The following ZNF385D variants were observed in gnomAD, a reference collection of about 807,000 sequenced individuals.
The protein encoded by ZNF385D is zinc finger protein 385D, also known as zinc finger protein 659.
A neutral mutation model predicts 35.8 loss-of-function variants in ZNF385D; 15 were observed. The observed-to-expected ratio is 0.42, with a 90% CI of 0.28 to 0.64. ZNF385D has a LOEUF of 0.64. Ranked by LOEUF, ZNF385D falls within the 30% of genes least tolerant of loss-of-function variation. The pLI, the probability that ZNF385D is intolerant of heterozygous loss-of-function variation, is 0.23. For synonymous variants in ZNF385D, 212 were observed against 186.8 expected, an observed-to-expected ratio of 1.13 and a Z score of -1.10; for missense variants, 474 against 494.6, an observed-to-expected ratio of 0.96 and a Z score of 0.39.
intron 2 of ZNF385D, among the ~76,000 whole-genome samples, chr3:22,253,162 C>T (rs931601766): frequency 6.6e-5 from 10 of 151,970 alleles, no homozygotes; most frequent in African/African-American, 1.9e-4. Flanking sequence ...AAAGAGCACA[C>T]ACCAAACGAA....
intron 4 of ZNF385D, among the ~76,000 whole-genome samples, chr3:21,475,799 A>G (rs1160335300): frequency 2.0e-5 from 3 of 152,150 alleles, no homozygotes; most frequent in African/African-American, 7.2e-5. Context: ...ATAGACACTT[A>G]AATTTTGAGT....
At chr3:22,283,165 T>C (rs1459334871) in intron 2 of ZNF385D, among the ~76,000 whole-genome samples, 1 of 152,040 alleles carries the variant, frequency 6.6e-6, no homozygotes, top group Non-Finnish European at 1.5e-5. Context: ...ACATAACACT[T>C]GAGCTCCCAA....
At chr3:21,793,057 C>A (rs1334405381) in intron 3 of ZNF385D, among the ~76,000 whole-genome samples, 1 of 152,066 alleles carries the variant, frequency 6.6e-6, no homozygotes, top group Non-Finnish European at 1.5e-5. Context: ...GAACACATAG[C>A]CACCATAGTT....
intron 4 of ZNF385D, among the ~76,000 whole-genome samples, chr3:21,474,048 TCATC>T (rs780577043): frequency 1.3e-5 from 2 of 152,086 alleles, no homozygotes; most frequent in Non-Finnish European, 2.9e-5. Context: ...TATTATAAGT[TCATC>T]CATTAAGTTG....
intron 7 of ZNF385D, among the ~76,000 whole-genome samples, chr3:21,423,516 A>G (rs1377757936): frequency 6.6e-6 from 1 of 152,166 alleles, no homozygotes; most frequent in Non-Finnish European, 1.5e-5. Context: ...CTACCAAAAT[A>G]TCCAGGTCAG....
chr3:21,492,677 G>T (rs1174029170), intron 4 of ZNF385D, among the ~76,000 whole-genome samples: 1 of 151,700 alleles, frequency 6.6e-6, no homozygotes, highest in Non-Finnish European at 1.5e-5. Flanking sequence ...CCAGCTACTC[G>T]GGAGGATGAG....
intron 6 of ZNF385D, 24 bp from the exon 7 acceptor site, chr3:21,424,088 C>T: frequency 6.5e-7 from 1 of 1,538,988 alleles, no homozygotes; most frequent in South Asian, 1.3e-5. Flanking sequence ...TTTAAAATGA[C>T]AGCTTTAAAA....
intron 2 of ZNF385D, among the ~76,000 whole-genome samples, chr3:22,212,301 A>G (rs1456314365): frequency 6.6e-6 from 1 of 151,980 alleles, no homozygotes; most frequent in East Asian, 1.9e-4. Flanking sequence ...CTCCACATAA[A>G]GACAAAAACA....
chr3:21,959,205 G>C (rs1349706807), intron 3 of ZNF385D, among the ~76,000 whole-genome samples: 1 of 152,100 alleles, frequency 6.6e-6, no homozygotes, highest in Non-Finnish European at 1.5e-5. Context: ...TCCTTGGTTA[G>C]AGATCTATTT....
chr3:22,178,852 C>T (rs1424986625), intron 2 of ZNF385D, among the ~76,000 whole-genome samples: 1 of 152,154 alleles, frequency 6.6e-6, no homozygotes, highest in Non-Finnish European at 1.5e-5. Flanking sequence ...AACCTTTCCC[C>T]ATTTCTTGTT....
intron 3 of ZNF385D, among the ~76,000 whole-genome samples, chr3:22,009,198 T>G (rs746964173): frequency 3.9e-5 from 6 of 152,160 alleles, no homozygotes; most frequent in Non-Finnish European, 8.8e-5. Flanking sequence ...TATTAAAATT[T>G]TGTGTAAAAA....
At chr3:22,036,008 A>G (rs1264489512) in intron 3 of ZNF385D, among the ~76,000 whole-genome samples, 1 of 152,158 alleles carries the variant, frequency 6.6e-6, no homozygotes, top group Non-Finnish European at 1.5e-5. Flanking sequence ...AATAAGACTT[A>G]TGTGTTTTTC....
At chr3:22,083,364 T>G (rs1015052321) in intron 3 of ZNF385D, among the ~76,000 whole-genome samples, 11 of 151,454 alleles carry the variant, frequency 7.3e-5, no homozygotes, top group African/African-American at 2.7e-4. Flanking sequence ...CTAGCTAGAA[T>G]AAACAGCATA....
At chr3:21,558,588 G>A (rs1456318407) in intron 3 of ZNF385D, among the ~76,000 whole-genome samples, 1 of 152,114 alleles carries the variant, frequency 6.6e-6, no homozygotes, top group East Asian at 1.9e-4. Context: ...ATCAATTTTA[G>A]AATAAGAGCA....
At chr3:21,746,950 G>GA (rs1400076100) in intron 1 of ZNF385D, among the ~76,000 whole-genome samples, 4 of 151,672 alleles carry the variant, frequency 2.6e-5, no homozygotes, top group Non-Finnish European at 4.4e-5. Context: ...CATCCCAGGG[G>GA]AAAAAAGTCC....
In ZNF385D at chr3:22,165,231, G is replaced by A. The variant is rs558659340; in HGVS notation, c.325+3586C>T. Among the ~76,000 whole-genome samples the A allele has an allele frequency of 3.3e-5, 5 of 152,334 alleles. No individual in the cohort carries two copies. The South Asian group carries it at 6.2e-4, about 19-fold the overall frequency. ...AGCACTGTTGTGCATGGTGTTGATA[G>A]TGCGGAAGGCTGTGTGTGAAGGAGG... is the stretch of plus-strand genomic sequence containing the variant. On this transcript the variant is annotated intron_variant, in intron 3 of 5. Transcript: ENST00000494108.
intron 3 of ZNF385D, among the ~76,000 whole-genome samples, chr3:21,546,057 C>G (rs1160741522): frequency 2.0e-5 from 3 of 152,088 alleles, no homozygotes; most frequent in Admixed American, 6.6e-5. Context: ...CTACTCAGTC[C>G]TATCATATTT....
chr3:21,970,811 G>C (rs1350733036), intron 3 of ZNF385D, among the ~76,000 whole-genome samples: 1 of 151,694 alleles, frequency 6.6e-6, no homozygotes, highest in Non-Finnish European at 1.5e-5. Context: ...ATCCCACAAG[G>C]AAGAAGAGAA....
At chr3:22,323,053 C>T (rs946367243) in intron 2 of ZNF385D, among the ~76,000 whole-genome samples, 14 of 152,046 alleles carry the variant, frequency 9.2e-5, no homozygotes, top group African/African-American at 2.9e-4. Flanking sequence ...TCAACCCCCA[C>T]GGACAGGAAA....
Sources: allele counts gnomAD v4.1 joint callset (sites outside exome capture counted in the v4.1 genomes callset), GRCh38; gene constraint gnomAD v4.1.1; transcripts MANE v1.5; gene names NCBI Gene and HGNC (gene_info 2026-07-23, HGNC 2026-07-21).